Variants in ENTREP2 observed in about 807,000 individuals in gnomAD.
ENTREP2 encodes protein ENTREP2.
chr15:29,667,487 C>CTT, the ENTREP2 span, among the ~76,000 whole-genome samples: 198 of 104,648 alleles, frequency 1.9e-3, 1 homozygote, highest in Middle Eastern at 7.7e-3. Flanking sequence ...TGCGCCTGGC[C>CTT]TTTTTTTTTT....
At chr15:29,463,190 G>A in the ENTREP2 span, among the ~76,000 whole-genome samples, 5 of 152,156 alleles carry the variant, frequency 3.3e-5, no homozygotes, top group African/African-American at 9.6e-5. Context: ...GGCCCCAGGA[G>A]GCAGGCTGCA....
At chr15:29,266,290 A>C in the ENTREP2 span, 2 of 152,272 alleles carry the variant, frequency 1.3e-5, no homozygotes, top group Admixed American at 1.3e-4. Context: ...GAAAAGGCCA[A>C]GTGTTCACAG....
the ENTREP2 span, among the ~76,000 whole-genome samples, chr15:29,517,101 G>C: frequency 6.6e-6 from 1 of 152,026 alleles, no homozygotes; most frequent in Non-Finnish European, 1.5e-5. Flanking sequence ...CAGGTTGGCA[G>C]GGTTCTCTGA....
At chr15:29,225,044 G>A in the ENTREP2 span, among the ~76,000 whole-genome samples, 1 of 152,208 alleles carries the variant, frequency 6.6e-6, no homozygotes, top group Non-Finnish European at 1.5e-5. Flanking sequence ...CGCTCTGAGT[G>A]CGGGGCCGCT....
the ENTREP2 span, among the ~76,000 whole-genome samples, chr15:29,249,474 A>C: frequency 6.6e-6 from 1 of 152,192 alleles, no homozygotes; most frequent in South Asian, 2.1e-4. Flanking sequence ...AAAAGACTGG[A>C]AGGACATAAT....
chr15:29,332,887 G>A, the ENTREP2 span, among the ~76,000 whole-genome samples: 11 of 151,432 alleles, frequency 7.3e-5, no homozygotes, highest in Non-Finnish European at 1.5e-4. Context: ...TGAACCCACG[G>A]GGCGGAGGTT....
chr15:29,394,164 C>T, the ENTREP2 span, among the ~76,000 whole-genome samples: 42 of 152,060 alleles, frequency 2.8e-4, no homozygotes, highest in African/African-American at 9.2e-4. Context: ...ACGTATATAC[C>T]ATGTTCCCAA....
At chr15:29,470,227 C>T in the ENTREP2 span, among the ~76,000 whole-genome samples, 7 of 152,292 alleles carry the variant, frequency 4.6e-5, no homozygotes, top group East Asian at 1.9e-4. Flanking sequence ...AGGGGCTGCT[C>T]GGTGCCCCCC....
At chr15:29,476,122 C>G in the ENTREP2 span, among the ~76,000 whole-genome samples, 7,295 of 152,274 alleles carry the variant, frequency 0.048, 188 homozygotes, top group Middle Eastern at 0.088. Flanking sequence ...TTATACTCTT[C>G]AAAAGGAAAC....
chr15:29,607,304 CTTT>C, the ENTREP2 span, among the ~76,000 whole-genome samples: 6 of 131,790 alleles, frequency 4.6e-5, no homozygotes, highest in Admixed American at 7.6e-5. Context: ...CTCTTCATTT[CTTT>C]TTTTTTTTTT....
chr15:29,176,560 A>G, the ENTREP2 span, among the ~76,000 whole-genome samples: 2 of 152,212 alleles, frequency 1.3e-5, no homozygotes, highest in Non-Finnish European at 2.9e-5. Flanking sequence ...AGGAAGTCAC[A>G]GGACCCTTTG....
At chr15:29,430,316 A>G in the ENTREP2 span, among the ~76,000 whole-genome samples, 5 of 152,086 alleles carry the variant, frequency 3.3e-5, no homozygotes, top group Admixed American at 3.3e-4. Flanking sequence ...ATGGCCTTGC[A>G]GTTTTATCTT....
chr15:29,551,837 T>A, the ENTREP2 span, among the ~76,000 whole-genome samples: 1 of 152,150 alleles, frequency 6.6e-6, no homozygotes, highest in African/African-American at 2.4e-5. Context: ...AACAAAACCC[T>A]GAACCATTTC....
the ENTREP2 span, among the ~76,000 whole-genome samples, chr15:29,228,950 T>G: frequency 6.6e-6 from 1 of 152,188 alleles, no homozygotes; most frequent in Non-Finnish European, 1.5e-5. Flanking sequence ...TTGGTGAATC[T>G]TTTCTTTTCT....
the ENTREP2 span, among the ~76,000 whole-genome samples, chr15:29,317,002 A>G: frequency 2.6e-5 from 4 of 152,256 alleles, no homozygotes; most frequent in African/African-American, 9.6e-5. Flanking sequence ...TTATTTTGGT[A>G]TGAATTTAAC....
chr15:29,423,667 G>T, the ENTREP2 span, among the ~76,000 whole-genome samples: 28 of 151,992 alleles, frequency 1.8e-4, no homozygotes, highest in Non-Finnish European at 3.1e-4. Flanking sequence ...ACGACGTGGC[G>T]GGCGCCTGTA....
At chr15:29,239,338 C>G in the ENTREP2 span, among the ~76,000 whole-genome samples, 1 of 152,106 alleles carries the variant, frequency 6.6e-6, no homozygotes, top group Non-Finnish European at 1.5e-5. Flanking sequence ...CCTTCACCTC[C>G]CAGAAACCAC....
At chr15:29,575,417 A>T in the ENTREP2 span, among the ~76,000 whole-genome samples, 1 of 152,210 alleles carries the variant, frequency 6.6e-6, no homozygotes, top group Non-Finnish European at 1.5e-5. Context: ...ATGGTGAGAG[A>T]CTGAAAGCTT....
the ENTREP2 span, chr15:29,123,436 G>A: frequency 4.5e-6 from 7 of 1,551,642 alleles, no homozygotes; most frequent in Non-Finnish European, 6.1e-6. Context: ...CATGTGCTGT[G>A]CCTCGGTGGG....
Sources: allele counts gnomAD v4.1 joint callset (sites outside exome capture counted in the v4.1 genomes callset), GRCh38; gene constraint gnomAD v4.1.1; transcripts MANE v1.5; gene names NCBI Gene and HGNC (gene_info 2026-07-23, HGNC 2026-07-21).